MDGA1: variants seen among roughly 807,000 people sequenced by gnomAD.
MDGA1 encodes MAM domain containing glycosylphosphatidylinositol anchor 1.
A neutral mutation model predicts 101.5 loss-of-function variants in MDGA1; 54 were observed. That is an observed-to-expected ratio of 0.53 (90% CI 0.43 to 0.67). The LOEUF is 0.67. Ranked by LOEUF, MDGA1 falls within the 30% of genes least tolerant of loss-of-function variation. The probability of loss-of-function intolerance (pLI) is 0.00; values close to 1 mark genes in which losing one functional copy is unlikely to be tolerated. For missense variants in MDGA1, 1,083 were observed against 1,323.8 expected (o/e 0.82, Z 2.82); for synonymous variants, 533 against 558.3 (o/e 0.95, Z 0.64).
At position 37,633,769 on chromosome 6, in the gene MDGA1, A is replaced by C. The variant is rs942524720; in HGVS notation, c.*3599T>G. 6.6e-6 allele frequency: 1 copy of C among 152,244 alleles called. No homozygotes were observed. The highest frequency in any genetic ancestry group is 1.5e-5 in the Non-Finnish European group (1 of 68,104). The allele number at this position is 152,244 out of a possible 1,614,324, so 9.4% of individuals were successfully genotyped here. ...CAGGACTGTTAGCCAAACTCCCTGC[A>C]GTTGTTTGGCAGGAGACCTCAGGGG... On this transcript the variant is annotated 3_prime_UTR_variant, in exon 17 of 17. Transcript: ENST00000434837.
chr6:37,687,718 C>T (rs1038093637), intron 1 of MDGA1, among the ~76,000 whole-genome samples: 24 of 152,050 alleles, frequency 1.6e-4, no homozygotes, highest in African/African-American at 5.6e-4. Context: ...GTGATCCTCC[C>T]ATCTCAGCCT....
chr6:37,673,277 A>G (rs1292375759), intron 1 of MDGA1, among the ~76,000 whole-genome samples: 1 of 152,146 alleles, frequency 6.6e-6, no homozygotes, highest in Non-Finnish European at 1.5e-5. Context: ...GCTGTGCAGC[A>G]TCCTCAGAAA....
chr6:37,669,945 C>T (rs879674223), intron 1 of MDGA1, among the ~76,000 whole-genome samples: 3 of 152,054 alleles, frequency 2.0e-5, no homozygotes, highest in South Asian at 2.1e-4. Context: ...TATGATGACT[C>T]GAAAACAGGG....
At position 37,696,227 on chromosome 6, in the gene MDGA1, G is replaced by A. The variant is rs1438232468; in HGVS notation, c.67+518C>T. On this transcript the variant is annotated intron_variant, in intron 1 of 16. Coordinates refer to ENST00000434837, the MANE Select transcript of MDGA1 (RefSeq NM_153487.4). The surrounding 1 kb of genome is among the most constrained non-coding windows in gnomAD (Gnocchi z 5.6). ...AAGGCGCCAGGGCCAGGGGATGCCG[G>A]CATCCTGATCAGGGTGTCAAGCCCT... Among the ~76,000 whole-genome samples the A allele has an allele frequency of 6.6e-6, 1 of 152,206 alleles. No individual in the cohort carries two copies. Among genetic ancestry groups the A allele is most frequent in the East Asian group, 1.9e-4 (1 of 5,186 alleles).
chr6:37,685,479 C>T (rs1223427959), intron 1 of MDGA1, among the ~76,000 whole-genome samples: 1 of 152,146 alleles, frequency 6.6e-6, no homozygotes, highest in East Asian at 1.9e-4. Context: ...AGCAGTGGGG[C>T]TGCTTGGTCT....
Position 37,660,581 on chromosome 6 carries a change from T to C in MDGA1, c.208-2162A>G, listed in dbSNP as rs56749335. Among the ~76,000 whole-genome samples the C allele has an allele frequency of 3.3e-5, 5 of 152,302 alleles. No homozygotes were observed. In the East Asian group the frequency reaches 9.6e-4, roughly 29 times the overall value. ...GACTGTATTATTTTTATTTCTAGGATTTCTGTTTGCTAATTTCTGTACCTA... is the reference window on the plus strand; with the variant it reads ...GACTGTATTATTTTTATTTCTAGGACTTCTGTTTGCTAATTTCTGTACCTA... On this transcript the variant is annotated intron_variant, in intron 2 of 16. Transcript: ENST00000434837.
intron 2 of MDGA1, among the ~76,000 whole-genome samples, chr6:37,658,744 G>A (rs1761554071): frequency 6.6e-6 from 1 of 152,222 alleles, no homozygotes; most frequent in Non-Finnish European, 1.5e-5. Context: ...GGCCAAGCGG[G>A]CGGATCACCT....
rs555314412 is a variant in MDGA1, at chr6:37,648,492, TGGAGCCTACGCCTTACGCAGGC to T, written c.1894+468_1894+489del. On this transcript the variant is annotated intron_variant, in intron 9 of 16. Coordinates refer to ENST00000434837, the MANE Select transcript of MDGA1 (RefSeq NM_153487.4). ...TGGGATTGGACCGAGCTGAAAGGGG[TGGAGCCTACGCCTTACGCAGGC>T]GGAGCCCAGACGTGGCTTGGATGGG... 9.7e-3 allele frequency: 1,568 copies of T among 161,332 alleles called. 9 individuals are homozygous for T. The highest frequency in any genetic ancestry group is 0.015 in the Non-Finnish European group (1,110 of 74,520). The allele number at this position is 161,332 out of a possible 1,614,324, so 10.0% of individuals were successfully genotyped here.
rs1334573128 is a variant in MDGA1, at chr6:37,697,159, C to T, written c.-348G>A. ...GGGATGCTAGGCGCCGGGGACCTCT[C>T]GGCGGCGGAGGCGGCGCTTCGATCC... is the stretch of plus-strand genomic sequence containing the variant. On this transcript the variant is annotated 5_prime_UTR_variant, in exon 1 of 17. Transcript: ENST00000434837. The T allele has an allele frequency of 9.0e-6, 2 of 222,804 alleles. No homozygotes were observed. Among genetic ancestry groups the T allele is most frequent in the Non-Finnish European group, 1.7e-5 (2 of 115,904 alleles). The allele number at this position is 222,804 out of a possible 1,614,324, so 13.8% of individuals were successfully genotyped here.
At chr6:37,673,819 C>T (rs925871457) in intron 1 of MDGA1, among the ~76,000 whole-genome samples, 8 of 152,188 alleles carry the variant, frequency 5.3e-5, no homozygotes, top group African/African-American at 1.9e-4. Context: ...CTTGCCTGAA[C>T]GCAGAGCATC....
chr6:37,663,966 C>A lies in MDGA1; in HGVS notation c.207+1G>T. 1.2e-6 allele frequency: 2 copies of A among 1,613,760 alleles called. No homozygotes were observed. Among genetic ancestry groups the A allele is most frequent in the Non-Finnish European group, 1.7e-6 (2 of 1,179,764 alleles). ...TGAGCAAGGCTGGGCTGGGGGCTTA[C>A]CTGGGGTCGAGGGTGCCCTGTTACA... is the stretch of plus-strand genomic sequence containing the variant. On this transcript the variant is annotated splice_donor_variant, in intron 2 of 16. Transcript: ENST00000434837. LOFTEE classifies it high-confidence loss of function.
chr6:37,691,428 C>T (rs1238742997), intron 1 of MDGA1, among the ~76,000 whole-genome samples: 1 of 152,202 alleles, frequency 6.6e-6, no homozygotes, highest in African/African-American at 2.4e-5. Flanking sequence ...GTGGCACTTA[C>T]ACACTTATAA....
chr6:37,648,536 T>G (rs1761267761), intron 9 of MDGA1: 1 of 176,106 alleles, frequency 5.7e-6, no homozygotes, highest in Non-Finnish European at 1.2e-5. Context: ...GTGGCTTGGA[T>G]GGGTTTCGAA....
At chr6:37,656,278 A>G (rs1289339418) in intron 3 of MDGA1, among the ~76,000 whole-genome samples, 9 of 151,428 alleles carry the variant, frequency 5.9e-5, no homozygotes, top group African/African-American at 1.9e-4. Context: ...GGGTTTCACC[A>G]TGTTGGCCAG....
rs765830365 is a variant in MDGA1 at position 37,649,133 on chromosome 6, C to T, written c.1743G>A (p.Leu581=). Residue 581 remains leucine (L), a synonymous_variant, in exon 9 of 17, where the codon CTG becomes CTA. Coordinates refer to ENST00000434837, the MANE Select transcript of MDGA1 (RefSeq NM_153487.4). The part of the protein sequence containing the change: ...ASAVWRFKGQ[L]LPPPPVVPAA... ...CGGGAACAACAGGCGGCGGCGGCAG[C>T]AGCTGCCCTTTGAAACGCCACACAG... 4.6e-6 allele frequency: 7 copies of T among 1,513,136 alleles called. No homozygotes were observed. In the East Asian group the frequency reaches 1.3e-4, roughly 28 times the overall value. 93.7% of individuals were successfully genotyped at this position (1,513,136 alleles called of 1,614,324 possible). A position where few individuals can be genotyped will look rare whatever the true frequency, so the allele number is the denominator to read the frequency against.
In MDGA1 at chr6:37,697,098, C is replaced by T; in HGVS notation, c.-287G>A. 1 of 302,134 alleles carries T rather than the reference C, an allele frequency of 3.3e-6. No individual in the cohort carries two copies. Among genetic ancestry groups the T allele is most frequent in the Non-Finnish European group, 6.0e-6 (1 of 165,982 alleles). The allele number at this position is 302,134 out of a possible 1,614,324, so 18.7% of individuals were successfully genotyped here. On this transcript the variant is annotated 5_prime_UTR_variant, in exon 1 of 17. Transcript: ENST00000434837. ...AGCGCCCCGACCCGAGGAGCCCGGC[C>T]GCCGAGCCGCCCCGGGTACCCAGGG...
At chr6:37,649,761 G>C (rs375950742) in intron 8 of MDGA1, 137 of 507,222 alleles carry the variant, frequency 2.7e-4, no homozygotes, top group Middle Eastern at 1.2e-3. Flanking sequence ...TCTTAGAACA[G>C]TGTTTGGCAC....
chr6:37,648,930 G>T, intron 9 of MDGA1, 52 bp downstream of exon 9: 1 of 1,529,948 alleles, frequency 6.5e-7, no homozygotes, highest in South Asian at 1.2e-5. Flanking sequence ...TTGGGGCAGA[G>T]CCTGGCCCCT....
rs574729254 is a variant in MDGA1, at chr6:37,632,215, T to C, written c.*5153A>G. 1 of 152,226 alleles carries C rather than the reference T, an allele frequency of 6.6e-6. No individual in the cohort carries two copies. The highest frequency in any genetic ancestry group is 1.5e-5 in the Non-Finnish European group (1 of 68,040). The allele number at this position is 152,226 out of a possible 1,614,324, so 9.4% of individuals were successfully genotyped here. On this transcript the variant is annotated 3_prime_UTR_variant, in exon 17 of 17. Coordinates refer to ENST00000434837, the MANE Select transcript of MDGA1 (RefSeq NM_153487.4). ...ACCAATTTCCCTTCCCAGCCCTCACTGTACACATCATTATATATGTCTTGG... is the reference window on the plus strand; with the variant it reads ...ACCAATTTCCCTTCCCAGCCCTCACCGTACACATCATTATATATGTCTTGG...
Sources: allele counts gnomAD v4.1 joint callset (sites outside exome capture counted in the v4.1 genomes callset), GRCh38; gene constraint gnomAD v4.1.1; non-coding constraint Gnocchi (gnomAD v3.1); transcripts MANE v1.5; gene names NCBI Gene and HGNC (gene_info 2026-07-23, HGNC 2026-07-21).